The following PAQR5 variants were observed in gnomAD, a reference collection of about 807,000 sequenced individuals.
PAQR5 encodes the protein membrane progestin receptor gamma.
A neutral mutation model predicts 34.5 loss-of-function variants in PAQR5; 20 were observed. The ratio of observed to expected loss-of-function variants is 0.58; its 90% CI spans 0.41 to 0.84. PAQR5 has a LOEUF of 0.84. PAQR5 is among the 40% of genes least tolerant of loss of function. PAQR5 has a pLI of 0.00. For synonymous variants in PAQR5, 131 were observed against 155.6 expected (o/e 0.84, Z 1.18); for missense variants, 378 against 412.7 (o/e 0.92, Z 0.73).
Position 69,300,937 on chromosome 15 carries a change from C to CTCTCTTTCTT in PAQR5, c.-277+1884_-277+1885insCTTTCTTTCT. On this transcript the variant is annotated intron_variant, in intron 1 of 8. Coordinates refer to ENST00000395407, the MANE Select transcript of PAQR5 (RefSeq NM_017705.4). ...CCTTTCTCTCTCTCTCTCTCTCTCT[C>CTCTCTTTCTT]TCTTTCTTTCCTTCTTTCTTTCTTT... Among the ~76,000 whole-genome samples the CTCTCTTTCTT allele has an allele frequency of 3.9e-4, 2 of 5,188 alleles. 1 individual carries two copies. Among genetic ancestry groups the CTCTCTTTCTT allele is most frequent in the East Asian group, 0.014 (2 of 138 alleles). The allele number at this position is 5,188 out of a possible 152,430, so 3.4% of individuals were successfully genotyped here. A position where few individuals can be genotyped will look rare whatever the true frequency, so the allele number is the denominator to read the frequency against.
In PAQR5 at chr15:69,400,108, C is replaced by A; in HGVS notation, c.744C>A (p.Asp248Glu). ...LPERLAPGRFDYIGHSHQLFH... is the reference protein window; with the variant it reads ...LPERLAPGRFEYIGHSHQLFH... ...AACGCCTAGCCCCTGGACGCTTTGA[C>A]TACATCGGTGAGTGGGCAACAGCCC... The change falls in exon 8 of 9, where the codon GAC becomes GAA. Residue 248 changes from aspartate to glutamate, a missense_variant. Physicochemically the swap from Asp to Glu is conservative, Grantham distance 45. Coordinates refer to ENST00000395407, the MANE Select transcript of PAQR5 (RefSeq NM_017705.4). The A allele has an allele frequency of 6.2e-7, 1 of 1,612,670 alleles. No homozygotes were observed. The highest frequency in any genetic ancestry group is 8.5e-7 in the Non-Finnish European group (1 of 1,179,264).
chr15:69,346,798 TTTTATTTA>T (rs140135490), intron 2 of PAQR5, among the ~76,000 whole-genome samples: 1 of 147,794 alleles, frequency 6.8e-6, no homozygotes, highest in South Asian at 2.2e-4. Context: ...ATTTTTGTAT[TTTTATTTA>T]TTTATTTATT....
chr15:69,347,649 C>T (rs1250310413), intron 2 of PAQR5, among the ~76,000 whole-genome samples: 1 of 152,108 alleles, frequency 6.6e-6, no homozygotes, highest in African/African-American at 2.4e-5. Flanking sequence ...GCTGCCATAA[C>T]AAAATATCAT....
intron 2 of PAQR5, among the ~76,000 whole-genome samples, chr15:69,341,195 C>G (rs1248406318): frequency 1.4e-5 from 2 of 144,602 alleles, no homozygotes; most frequent in Non-Finnish European, 3.0e-5. Context: ...CCCCGGCCCC[C>G]CTGCCAGACT....
At chr15:69,354,881 C>T (rs1056695551) in intron 2 of PAQR5, among the ~76,000 whole-genome samples, 2 of 152,142 alleles carry the variant, frequency 1.3e-5, no homozygotes, top group African/African-American at 4.8e-5. Context: ...TCTTTTTCTC[C>T]TGGAGCTGGG....
At chr15:69,396,026 A>T (rs1053470425) in intron 6 of PAQR5, among the ~76,000 whole-genome samples, 1 of 151,702 alleles carries the variant, frequency 6.6e-6, no homozygotes, top group Non-Finnish European at 1.5e-5. Flanking sequence ...AGTGGAGCAC[A>T]ATAGCCTGGA....
chr15:69,390,353 TTTATTTA>T (rs1485907136), intron 6 of PAQR5, among the ~76,000 whole-genome samples: 9 of 93,996 alleles, frequency 9.6e-5, no homozygotes, highest in African/African-American at 1.8e-4. Flanking sequence ...TATTTATTTA[TTTATTTA>T]TTTTTTTGAG....
intron 6 of PAQR5, 65 bp from the exon 7 acceptor site, chr15:69,397,403 T>C (rs781562853): frequency 1.9e-6 from 2 of 1,030,292 alleles, no homozygotes; most frequent in Non-Finnish European, 3.1e-6. Flanking sequence ...TGCATGCATG[T>C]GCGTATGCAA....
intron 6 of PAQR5, chr15:69,397,096 TCC>T (rs779803626): frequency 2.3e-6 from 1 of 437,816 alleles, no homozygotes; most frequent in Admixed American, 2.4e-5. Context: ...TGGCAGTGGA[TCC>T]CCCGATTCCC....
At position 69,405,233 on chromosome 15, in the gene PAQR5, AG is replaced by A. The variant is rs1392470656; in HGVS notation, c.*1417del. On this transcript the variant is annotated 3_prime_UTR_variant, in exon 9 of 9. Transcript: ENST00000395407. The stretch of plus-strand genomic sequence containing the variant: ...CCAGATCTGCACTTGGTAATGACTT[AG>A]GGGGGCTTCCTCACAATGCAGGATC... 2.7e-6 allele frequency: 1 copy of A among 369,666 alleles called. No homozygotes were observed. The highest frequency in any genetic ancestry group is 2.1e-5 in the African/African-American group (1 of 47,974). The allele number at this position is 369,666 out of a possible 1,614,324, so 22.9% of individuals were successfully genotyped here. A position where few individuals can be genotyped will look rare whatever the true frequency, so the allele number is the denominator to read the frequency against.
At chr15:69,336,127 A>C (rs1422619216) in intron 1 of PAQR5, among the ~76,000 whole-genome samples, 1 of 152,194 alleles carries the variant, frequency 6.6e-6, no homozygotes, top group Non-Finnish European at 1.5e-5. Flanking sequence ...CTATCAGAGT[A>C]AAGGCTTTCT....
intron 1 of PAQR5, among the ~76,000 whole-genome samples, chr15:69,316,946 A>G (rs2053965950): frequency 6.6e-6 from 1 of 152,116 alleles, no homozygotes; most frequent in African/African-American, 2.4e-5. Context: ...CAGTCTGCCA[A>G]GTAGCTGGGA....
chr15:69,397,423 A>G (rs1567042803), intron 6 of PAQR5, 45 bp from the exon 7 acceptor site: 2 of 1,311,118 alleles, frequency 1.5e-6, no homozygotes, highest in Admixed American at 3.4e-5. Context: ...ATTTGCTGAG[A>G]CTCTTTTCAT....
At chr15:69,382,659 CAT>C (rs59064870) in intron 4 of PAQR5, among the ~76,000 whole-genome samples, 674 of 91,022 alleles carry the variant, frequency 7.4e-3, no homozygotes, top group Middle Eastern at 0.017. Flanking sequence ...AAAAAAAAAG[CAT>C]ATATATATAT....
chr15:69,371,139 T>C (rs1206793318), intron 3 of PAQR5, among the ~76,000 whole-genome samples: 1 of 152,222 alleles, frequency 6.6e-6, no homozygotes, highest in African/African-American at 2.4e-5. Context: ...TGAGTCATTG[T>C]AGTTCTTAGT....
intron 1 of PAQR5, among the ~76,000 whole-genome samples, chr15:69,300,853 CTTT>C: frequency 8.9e-5 from 1 of 11,224 alleles, no homozygotes; most frequent in East Asian, 2.1e-3. Flanking sequence ...TTCTTTCTTT[CTTT>C]CTTTCTTTCT....
At chr15:69,384,273 C>CT (rs2056032997) in intron 4 of PAQR5, among the ~76,000 whole-genome samples, 1 of 140,532 alleles carries the variant, frequency 7.1e-6, no homozygotes, top group Non-Finnish European at 1.5e-5. Flanking sequence ...GTGAGTGGGC[C>CT]TCTGTGTTCG....
chr15:69,332,647 T>C (rs996689299), intron 1 of PAQR5, among the ~76,000 whole-genome samples: 2 of 152,046 alleles, frequency 1.3e-5, no homozygotes, highest in Non-Finnish European at 1.5e-5. Flanking sequence ...TTCTGAGTTT[T>C]ATTTATGAAA....
chr15:69,403,694 C>A lies in PAQR5; in HGVS notation c.865C>A (p.Pro289Thr). 6.2e-7 allele frequency: 1 copy of A among 1,614,192 alleles called. No individual in the cohort carries two copies. The highest frequency in any genetic ancestry group is 8.5e-7 in the Non-Finnish European group (1 of 1,180,034). ...RKEWLLATSK[P>T]FSFSQIAGAI... ...GGAATGGCTCCTGGCCACCTCCAAG[C>A]CCTTCTCTTTCTCTCAGATAGCTGG... Residue 289 changes from proline (P) to threonine (T), a missense_variant, in exon 9 of 9, where the codon CCC (proline) becomes ACC (threonine). Coordinates refer to ENST00000395407, the MANE Select transcript of PAQR5 (RefSeq NM_017705.4).
Sources: allele counts gnomAD v4.1 joint callset (sites outside exome capture counted in the v4.1 genomes callset), GRCh38; gene constraint gnomAD v4.1.1; transcripts MANE v1.5; gene names NCBI Gene and HGNC (gene_info 2026-07-23, HGNC 2026-07-21).